Variants in SBF2 observed in about 807,000 individuals in gnomAD.
SBF2 encodes SET binding factor 2, also known as myotubularin-related protein 13.
A neutral mutation model predicts 225.2 loss-of-function variants in SBF2; 112 were observed. The ratio of observed to expected loss-of-function variants is 0.50; its 90% CI spans 0.43 to 0.58. The LOEUF is 0.58. Ranked by LOEUF, SBF2 falls within the 20% of genes least tolerant of loss-of-function variation. The pLI, the probability that SBF2 is intolerant of heterozygous loss-of-function variation, is 0.00. For missense variants in SBF2, 1,996 were observed against 2,206.2 expected, an observed-to-expected ratio of 0.90 and a Z score of 1.91; for synonymous variants, 763 against 773.3, an observed-to-expected ratio of 0.99 and a Z score of 0.22.
At position 10,284,690 on chromosome 11, in the gene SBF2, A is replaced by G. The variant is rs1446472604; in HGVS notation, c.55+9325T>C. On this transcript the variant is annotated intron_variant, in intron 1 of 39. Coordinates refer to ENST00000256190, the MANE Select transcript of SBF2 (RefSeq NM_030962.4). ...CAATGGCAAAAACACAGCTCACTGC[A>G]GCCTCGACCTCCTGGGCTCAAGTAA... Among the ~76,000 whole-genome samples the G allele has an allele frequency of 3.6e-4, 55 of 152,148 alleles. 1 individual carries two copies. Among genetic ancestry groups the G allele is most frequent in the Admixed American group, 3.6e-3 (55 of 15,274 alleles).
intron 13 of SBF2, among the ~76,000 whole-genome samples, chr11:9,972,353 C>T (rs990748150): frequency 6.6e-6 from 1 of 152,132 alleles, no homozygotes; most frequent in African/African-American, 2.4e-5. Flanking sequence ...TTCTCTTATT[C>T]TCTGCATATT....
rs1339466211 is a variant in SBF2, at chr11:9,828,224, A to G, written c.3793+1132T>C. ...TCTTGAAGTCCTCCTTTCAGTCCCT[A>G]AAGTCAGCCAAAAAGAAGAACAAAA... On this transcript the variant is annotated intron_variant, in intron 28 of 39. Transcript: ENST00000256190. 13 of 1,287,302 alleles carry G rather than the reference A, an allele frequency of 1.0e-5. No individual in the cohort carries two copies. In the Admixed American group the frequency reaches 2.3e-4, roughly 23 times the overall value. The allele number at this position is 1,287,302 out of a possible 1,614,324, so 79.7% of individuals were successfully genotyped here. A position where few individuals can be genotyped will look rare whatever the true frequency, so the allele number is the denominator to read the frequency against.
chr11:9,855,612 T>A (rs1024816567), intron 19 of SBF2, among the ~76,000 whole-genome samples: 1 of 152,132 alleles, frequency 6.6e-6, no homozygotes, highest in Non-Finnish European at 1.5e-5. Context: ...GAGTACTATA[T>A]GCAAAGACAC....
intron 1 of SBF2, among the ~76,000 whole-genome samples, chr11:10,275,478 A>G (rs183602453): frequency 8.3e-4 from 126 of 152,358 alleles, no homozygotes; most frequent in Admixed American, 2.1e-3. Flanking sequence ...AGTTATTTGT[A>G]GGATGTACTG....
intron 16 of SBF2, among the ~76,000 whole-genome samples, chr11:9,902,095 T>G (rs886066351): frequency 2.0e-5 from 3 of 152,212 alleles, no homozygotes; most frequent in African/African-American, 7.2e-5. Flanking sequence ...GAAATCTGCA[T>G]CTGTAAAGAA....
intron 2 of SBF2, among the ~76,000 whole-genome samples, chr11:10,055,610 A>G (rs1477135669): frequency 6.6e-6 from 1 of 151,216 alleles, no homozygotes; most frequent in African/African-American, 2.4e-5. Context: ...GAACAAAATA[A>G]TGTTTTTTGC....
rs1854599750 is a variant in SBF2 at position 9,818,915 on chromosome 11, T to C, written c.3794-1891A>G. Among the ~76,000 whole-genome samples, 3 of 151,520 alleles carry C rather than the reference T, an allele frequency of 2.0e-5. No homozygotes were observed. In the South Asian group the frequency reaches 6.3e-4, roughly 32 times the overall value. ...TTTTGTATTTTTAGTAGAGATGGGG[T>C]TTCACCATCTTGGTCAGGCTGGTCT... On this transcript the variant is annotated intron_variant, in intron 28 of 39. Transcript: ENST00000256190.
At chr11:9,788,690 G>GT (rs1002354277) in intron 35 of SBF2, among the ~76,000 whole-genome samples, 13 of 150,202 alleles carry the variant, frequency 8.7e-5, no homozygotes, top group Admixed American at 6.6e-4. Context: ...CGCCTCGCAG[G>GT]TTCATGCCAT....
intron 17 of SBF2, among the ~76,000 whole-genome samples, chr11:9,882,187 G>A (rs1381191794): frequency 1.3e-5 from 2 of 152,146 alleles, no homozygotes; most frequent in African/African-American, 4.8e-5. Flanking sequence ...GCAGTCACCA[G>A]ACAACATTTC....
At chr11:9,876,849 C>T (rs901451657) in intron 17 of SBF2, among the ~76,000 whole-genome samples, 2 of 152,128 alleles carry the variant, frequency 1.3e-5, no homozygotes, top group African/African-American at 4.8e-5. Context: ...AACAATTCTC[C>T]TGCCTCAGCC....
chr11:10,112,627 G>C (rs894870532), intron 2 of SBF2, among the ~76,000 whole-genome samples: 1 of 152,194 alleles, frequency 6.6e-6, no homozygotes, highest in Non-Finnish European at 1.5e-5. Context: ...AAGTCAGTTA[G>C]CAAACACATC....
chr11:9,849,868 T>C (rs913486694), intron 22 of SBF2, among the ~76,000 whole-genome samples, 155 bp downstream of exon 22: 1 of 152,216 alleles, frequency 6.6e-6, no homozygotes, highest in South Asian at 2.1e-4. Flanking sequence ...CAAATTATCA[T>C]TAGCTCTGTC....
chr11:9,926,632 A>G (rs1306676523), intron 16 of SBF2, among the ~76,000 whole-genome samples: 1 of 152,202 alleles, frequency 6.6e-6, no homozygotes, highest in Non-Finnish European at 1.5e-5. Flanking sequence ...ACTACATAAC[A>G]TAATTCTAAA....
intron 13 of SBF2, among the ~76,000 whole-genome samples, chr11:9,978,465 A>G (rs916749533): frequency 6.6e-6 from 1 of 152,184 alleles, no homozygotes; most frequent in Non-Finnish European, 1.5e-5. Context: ...ATTAAATGAA[A>G]TATAATTAGA....
intron 2 of SBF2, among the ~76,000 whole-genome samples, chr11:10,076,179 G>A (rs1263510411): frequency 6.6e-6 from 1 of 152,194 alleles, no homozygotes; most frequent in Non-Finnish European, 1.5e-5. Context: ...AAGGAACGAG[G>A]CAATCCAGGC....
chr11:9,826,810 G>A (rs1855096949), intron 28 of SBF2, among the ~76,000 whole-genome samples: 1 of 151,544 alleles, frequency 6.6e-6, no homozygotes, highest in Non-Finnish European at 1.5e-5. Flanking sequence ...TTGAGATGGA[G>A]TTTTGCTCTT....
At chr11:9,849,925 T>C in intron 22 of SBF2, 98 bp downstream of exon 22, 1 of 1,189,786 alleles carries the variant, frequency 8.4e-7, no homozygotes, top group Non-Finnish European at 1.3e-6. Flanking sequence ...AAAGCTGACT[T>C]TGGATTTAAA....
intron 16 of SBF2, 130 bp downstream of exon 16, chr11:9,961,827 G>A: frequency 1.4e-6 from 1 of 690,094 alleles, no homozygotes; most frequent in Non-Finnish European, 2.3e-6. Context: ...AGAAATGATA[G>A]AGATACTGAC....
At chr11:9,995,902 C>T (rs572137975) in intron 9 of SBF2, among the ~76,000 whole-genome samples, 55 of 151,362 alleles carry the variant, frequency 3.6e-4, no homozygotes, top group African/African-American at 8.2e-4. Flanking sequence ...TCAGATGATC[C>T]GCCCGCCTCA....
Sources: allele counts gnomAD v4.1 joint callset (sites outside exome capture counted in the v4.1 genomes callset), GRCh38; gene constraint gnomAD v4.1.1; transcripts MANE v1.5; gene names NCBI Gene and HGNC (gene_info 2026-07-23, HGNC 2026-07-21).